DYNC2H1: variants seen among roughly 807,000 people sequenced by gnomAD.
The protein encoded by DYNC2H1 is dynein cytoplasmic 2 heavy chain 1.
In DYNC2H1, 410 loss-of-function variants were observed where a neutral mutation model predicts 570.0. The observed-to-expected ratio is 0.72, with a 90% CI of 0.66 to 0.78. The LOEUF is 0.78. DYNC2H1 is among the 30% of genes least tolerant of loss of function. The probability of loss-of-function intolerance (pLI) is 0.00; values close to 1 mark genes in which losing one functional copy is unlikely to be tolerated. For synonymous variants in DYNC2H1, 1,688 were observed against 1,677.6 expected (o/e 1.01, Z -0.15); for missense variants, 4,865 against 5,046.4 (o/e 0.96, Z 1.09).
At chr11:103,477,052 G>C (rs1020644563) in intron 88 of DYNC2H1, among the ~76,000 whole-genome samples, 5 of 152,158 alleles carry the variant, frequency 3.3e-5, no homozygotes, top group African/African-American at 1.2e-4. Flanking sequence ...CATCCTGTGA[G>C]GTGGGTAAGT....
intron 88 of DYNC2H1, among the ~76,000 whole-genome samples, chr11:103,473,354 A>T (rs1418221436): frequency 6.8e-6 from 1 of 147,474 alleles, no homozygotes; most frequent in African/African-American, 2.5e-5. Flanking sequence ...TGGCTCCATG[A>T]TACAGATTCT....
chr11:103,453,089 G>A (rs1944664266), intron 85 of DYNC2H1, among the ~76,000 whole-genome samples: 1 of 151,238 alleles, frequency 6.6e-6, no homozygotes. Flanking sequence ...TTACTTCCAT[G>A]TTATATCCGT....
At chr11:103,381,572 C>T (rs954823160) in intron 83 of DYNC2H1, among the ~76,000 whole-genome samples, 1 of 152,208 alleles carries the variant, frequency 6.6e-6, no homozygotes, top group Non-Finnish European at 1.5e-5. Context: ...CCTCAACCTC[C>T]CGCGTAGCTG....
chr11:103,469,262 C>T (rs555220028), intron 88 of DYNC2H1, among the ~76,000 whole-genome samples: 1 of 152,284 alleles, frequency 6.6e-6, no homozygotes, highest in East Asian at 1.9e-4. Context: ...ATTTAGTTAA[C>T]TTTTTTCCTT....
chr11:103,122,668 G>C (rs1225396912), intron 10 of DYNC2H1, among the ~76,000 whole-genome samples, 157 bp from the exon 11 acceptor site: 2 of 152,164 alleles, frequency 1.3e-5, no homozygotes, highest in Non-Finnish European at 1.5e-5. Flanking sequence ...AGTAGGGGTT[G>C]ATATTTTTAT....
chr11:103,362,195 A>C (rs962281135), intron 83 of DYNC2H1, among the ~76,000 whole-genome samples: 1 of 152,208 alleles, frequency 6.6e-6, no homozygotes, highest in African/African-American at 2.4e-5. Context: ...TTGAGGAAGT[A>C]GTTGAAGATG....
chr11:103,137,015 A>T (rs1297581006), intron 17 of DYNC2H1, among the ~76,000 whole-genome samples: 1 of 150,654 alleles, frequency 6.6e-6, no homozygotes, highest in Non-Finnish European at 1.5e-5. Context: ...TTGGCTGCAT[A>T]AATGTCTTCT....
intron 14 of DYNC2H1, among the ~76,000 whole-genome samples, 153 bp from the exon 15 acceptor site, chr11:103,134,168 C>T (rs1859417553): frequency 6.6e-6 from 1 of 152,120 alleles, no homozygotes; most frequent in Admixed American, 6.6e-5. Flanking sequence ...ATGTTTTGCC[C>T]TTCTCAGTAC....
chr11:103,318,510 C>A (rs3847579), intron 80 of DYNC2H1, among the ~76,000 whole-genome samples: 25,324 of 151,940 alleles, frequency 0.17, 2,298 homozygotes, highest in Admixed American at 0.26. Context: ...ATACAGTATA[C>A]CTTTGTGTAA....
intron 18 of DYNC2H1, among the ~76,000 whole-genome samples, chr11:103,143,707 G>T (rs1448447479): frequency 6.6e-6 from 1 of 152,056 alleles, no homozygotes; most frequent in Non-Finnish European, 1.5e-5. Context: ...CTACTGGTGA[G>T]AGCATACTAG....
chr11:103,471,432 T>G (rs1031974671), intron 88 of DYNC2H1, among the ~76,000 whole-genome samples: 1 of 152,216 alleles, frequency 6.6e-6, no homozygotes, highest in African/African-American at 2.4e-5. Context: ...GTTTCCAAGC[T>G]TATGAATTAG....
chr11:103,117,268 A>ATT (rs1565311772), intron 5 of DYNC2H1, among the ~76,000 whole-genome samples: 2 of 147,102 alleles, frequency 1.4e-5, no homozygotes, highest in African/African-American at 4.9e-5. Context: ...TTATATATAT[A>ATT]TATTTTTTAA....
chr11:103,248,068 A>G (rs1028394341), intron 65 of DYNC2H1, among the ~76,000 whole-genome samples: 2 of 152,152 alleles, frequency 1.3e-5, no homozygotes, highest in East Asian at 1.9e-4. Flanking sequence ...TTATAGGCCA[A>G]GAGGGTATTC....
intron 83 of DYNC2H1, among the ~76,000 whole-genome samples, chr11:103,389,747 G>A (rs539952535): frequency 9.2e-5 from 14 of 151,818 alleles, no homozygotes; most frequent in African/African-American, 1.4e-4. Context: ...CCTTCATTTC[G>A]TTATGTACCC....
At chr11:103,172,248 A>G (rs1261668543) in intron 34 of DYNC2H1, among the ~76,000 whole-genome samples, 1 of 152,030 alleles carries the variant, frequency 6.6e-6, no homozygotes, top group Non-Finnish European at 1.5e-5. Context: ...TTCTTCTCTT[A>G]CAAAGAAAGA....
intron 82 of DYNC2H1, among the ~76,000 whole-genome samples, chr11:103,341,886 C>T (rs143010227): frequency 1.3e-5 from 2 of 152,186 alleles, no homozygotes; most frequent in South Asian, 4.1e-4. Flanking sequence ...TCAATTATTT[C>T]AGTTCTCTCC....
At chr11:103,222,655 G>A (rs555169297) in intron 58 of DYNC2H1, among the ~76,000 whole-genome samples, 9 of 152,264 alleles carry the variant, frequency 5.9e-5, no homozygotes, top group Admixed American at 2.6e-4. Flanking sequence ...AAGAATTGAT[G>A]CTCAAACATT....
At chr11:103,350,921 C>G (rs1940022724) in intron 82 of DYNC2H1, among the ~76,000 whole-genome samples, 1 of 152,092 alleles carries the variant, frequency 6.6e-6, no homozygotes, top group Non-Finnish European at 1.5e-5. Context: ...AGGGCCTCAA[C>G]AGATGGATTT....
chr11:103,125,493 A>G (rs569544510), intron 12 of DYNC2H1, among the ~76,000 whole-genome samples, 198 bp downstream of exon 12: 3 of 147,894 alleles, frequency 2.0e-5, no homozygotes, highest in Non-Finnish European at 4.5e-5. Context: ...ATTATTGTTT[A>G]TTGCTTTTCA....
Sources: gnomAD v4.1 joint callset for allele counts (sites outside exome capture counted in the v4.1 genomes callset) on GRCh38, gnomAD v4.1.1 for gene constraint, MANE v1.5 for transcripts, NCBI Gene and HGNC (gene_info 2026-07-23, HGNC 2026-07-21) for gene names.